The following DTNB variants were observed in gnomAD, a reference collection of about 807,000 sequenced individuals.
The protein encoded by DTNB is dystrobrevin beta.
In DTNB, 63 loss-of-function variants were observed where a neutral mutation model predicts 90.7. The observed-to-expected ratio is 0.69, with a 90% CI of 0.57 to 0.86. The LOEUF (loss-of-function observed/expected upper bound fraction) is 0.86, where lower values mean the gene tolerates loss of function less well. Among genes scored for constraint, DTNB ranks in the 40% least tolerant of loss-of-function variants. The pLI is 0.00. For synonymous variants in DTNB, 277 were observed against 286.7 expected (o/e 0.97, Z 0.34); for missense variants, 744 against 807.1 (o/e 0.92, Z 0.95).
chr2:25,637,189 C>T (rs574406059), intron 3 of DTNB, among the ~76,000 whole-genome samples: 16 of 152,196 alleles, frequency 1.1e-4, no homozygotes, highest in African/African-American at 3.9e-4. Context: ...CTTCCTTACA[C>T]CTTATACAAA....
At chr2:25,466,467 C>A (rs905940846) in intron 10 of DTNB, among the ~76,000 whole-genome samples, 1 of 152,228 alleles carries the variant, frequency 6.6e-6, no homozygotes, top group Non-Finnish European at 1.5e-5. Flanking sequence ...CTCTCTGCCA[C>A]ACCAAGCTTA....
intron 8 of DTNB, among the ~76,000 whole-genome samples, chr2:25,568,713 T>C (rs2059398512): frequency 2.0e-5 from 3 of 152,212 alleles, no homozygotes; most frequent in Non-Finnish European, 2.9e-5. Context: ...CAGAGTGTAA[T>C]TTCCAAACAG....
intron 10 of DTNB, among the ~76,000 whole-genome samples, chr2:25,469,770 T>C (rs1039355359): frequency 1.3e-5 from 2 of 152,262 alleles, no homozygotes; most frequent in East Asian, 3.9e-4. Context: ...CTGGTGTTTC[T>C]CTAAGGCACA....
intron 4 of DTNB, among the ~76,000 whole-genome samples, chr2:25,618,344 A>G (rs1028772395): frequency 2.0e-5 from 3 of 152,184 alleles, no homozygotes; most frequent in African/African-American, 7.2e-5. Flanking sequence ...GGAAGAACTC[A>G]TTCTTGATCC....
intron 16 of DTNB, among the ~76,000 whole-genome samples, chr2:25,393,135 C>G (rs1029249881): frequency 2.0e-5 from 3 of 152,152 alleles, no homozygotes; most frequent in African/African-American, 7.2e-5. Flanking sequence ...AAACAAAAAT[C>G]ACATGATCCA....
intron 8 of DTNB, among the ~76,000 whole-genome samples, chr2:25,548,541 C>T (rs2082926011): frequency 6.6e-6 from 1 of 151,736 alleles, no homozygotes; most frequent in Non-Finnish European, 1.5e-5. Flanking sequence ...GCTCTCCAAG[C>T]AAAAGGAAGA....
intron 3 of DTNB, among the ~76,000 whole-genome samples, chr2:25,635,152 G>T (rs1316562170): frequency 6.6e-6 from 1 of 151,988 alleles, no homozygotes; most frequent in South Asian, 2.1e-4. Context: ...CAATGAAGAG[G>T]CTGGGAGTGG....
chr2:25,644,540 G>A (rs1382658572), intron 2 of DTNB, among the ~76,000 whole-genome samples: 1 of 152,178 alleles, frequency 6.6e-6, no homozygotes, highest in Non-Finnish European at 1.5e-5. Context: ...TGAATCACCT[G>A]ATCAGGAGTT....
chr2:25,383,550 T>C, intron 19 of DTNB: 1 of 517,172 alleles, frequency 1.9e-6, no homozygotes, highest in South Asian at 2.3e-5. Flanking sequence ...ATCATAAACT[T>C]CTCCAGTCAA....
intron 1 of DTNB, among the ~76,000 whole-genome samples, chr2:25,663,071 C>A (rs1574202447): frequency 1.3e-5 from 2 of 151,576 alleles, no homozygotes; most frequent in East Asian, 3.9e-4. Flanking sequence ...TTGGCCCCCA[C>A]CCCCCAACAG....
chr2:25,652,885 T>A (rs1574065710), intron 1 of DTNB: 4 of 405,004 alleles, frequency 9.9e-6, no homozygotes, highest in Non-Finnish European at 1.7e-5. Context: ...TATGAGCTCA[T>A]ACACTTGCTT....
chr2:25,505,418 T>C (rs10495754), intron 9 of DTNB, among the ~76,000 whole-genome samples: 8,642 of 152,266 alleles, frequency 0.057, 318 homozygotes, highest in Non-Finnish European at 0.078. Context: ...CCTTCTAACT[T>C]GATGACGTGT....
intron 4 of DTNB, among the ~76,000 whole-genome samples, chr2:25,616,029 G>T (rs2070370968): frequency 6.6e-6 from 1 of 152,172 alleles, no homozygotes; most frequent in Admixed American, 6.5e-5. Flanking sequence ...TAAATCAAAG[G>T]ACATAATAAA....
chr2:25,449,608 T>C (rs956595546), intron 12 of DTNB, among the ~76,000 whole-genome samples: 8 of 152,190 alleles, frequency 5.3e-5, no homozygotes, highest in African/African-American at 1.9e-4. Context: ...CACTGGCATA[T>C]CTTCTTTGTG....
chr2:25,574,519 A>G (rs959192625), intron 8 of DTNB, among the ~76,000 whole-genome samples: 4 of 152,246 alleles, frequency 2.6e-5, no homozygotes, highest in African/African-American at 9.6e-5. Flanking sequence ...TCACATCTAC[A>G]ATGAAAATTC....
In DTNB at chr2:25,609,605, A is replaced by AC. The variant is rs201014894; in HGVS notation, c.363-2285_363-2284insG. Among the ~76,000 whole-genome samples, 1,063 of 151,138 alleles carry AC rather than the reference A, an allele frequency of 7.0e-3. 20 individuals are homozygous for AC. The highest frequency in any genetic ancestry group is 0.022 in the African/African-American group (917 of 40,978). On this transcript the variant is annotated intron_variant, in intron 4 of 20. Transcript: ENST00000406818. ...AGAGCGAAACTCTTTCAAAAAAAAAAAAAAAACTTGTTATATATGTTGCTA... is the reference window on the plus strand; with the variant it reads ...AGAGCGAAACTCTTTCAAAAAAAAAACAAAAAACTTGTTATATATGTTGCTA...
At chr2:25,648,759 G>A (rs2080091743) in intron 2 of DTNB, among the ~76,000 whole-genome samples, 1 of 152,066 alleles carries the variant, frequency 6.6e-6, no homozygotes, top group East Asian at 1.9e-4. Context: ...AAAGAGGAAA[G>A]ACATTCATCT....
At chr2:25,489,996 C>T (rs1270767550) in intron 9 of DTNB, among the ~76,000 whole-genome samples, 3 of 152,144 alleles carry the variant, frequency 2.0e-5, no homozygotes, top group Admixed American at 6.5e-5. Context: ...AAATTACAGG[C>T]TGTGCACAGT....
chr2:25,411,694 T>C (rs1402839636), intron 16 of DTNB, among the ~76,000 whole-genome samples: 1 of 152,230 alleles, frequency 6.6e-6, no homozygotes, highest in Admixed American at 6.5e-5. Flanking sequence ...GGGATACCAC[T>C]GGCCCGGCTT....
Sources: allele counts gnomAD v4.1 joint callset (sites outside exome capture counted in the v4.1 genomes callset), GRCh38; gene constraint gnomAD v4.1.1; transcripts MANE v1.5; gene names NCBI Gene and HGNC (gene_info 2026-07-23, HGNC 2026-07-21).